MARCHF10: variants seen among roughly 807,000 people sequenced by gnomAD.
The protein encoded by MARCHF10 is membrane associated ring-CH-type finger 10.
Under a neutral mutation model 76.2 loss-of-function variants are expected in MARCHF10, and 64 were observed. That is an observed-to-expected ratio of 0.84 (90% CI 0.69 to 1.03). The LOEUF (loss-of-function observed/expected upper bound fraction) is 1.03, where lower values mean the gene tolerates loss of function less well. MARCHF10 is among the 50% of genes least tolerant of loss of function. The pLI, the probability that MARCHF10 is intolerant of heterozygous loss-of-function variation, is 0.00. For missense variants in MARCHF10, 875 were observed against 958.0 expected (o/e 0.91, Z 1.14); for synonymous variants, 340 against 357.5 (o/e 0.95, Z 0.55).
Position 62,738,206 on chromosome 17 carries a change from T to G in MARCHF10, c.536-874A>C, listed in dbSNP as rs1425627802. Among the ~76,000 whole-genome samples the G allele has an allele frequency of 6.6e-6, 1 of 152,102 alleles. No homozygotes were observed. Among genetic ancestry groups the G allele is most frequent in the Non-Finnish European group, 1.5e-5 (1 of 68,016 alleles). On this transcript the variant is annotated intron_variant, in intron 5 of 10. Transcript: ENST00000311269. The surrounding 1 kb of genome is among the most constrained non-coding windows in gnomAD (Gnocchi z 4.0). ...CACATAACTAGCCCAAGATCCTATT[T>G]CCAGTAAGTGATGGAATGAACATTT...
intron 1 of MARCHF10, chr17:62,806,590 G>A (rs2093168106): frequency 1.3e-5 from 2 of 152,248 alleles, no homozygotes; most frequent in African/African-American, 4.8e-5. Flanking sequence ...TTGGAGGCAG[G>A]TGGAGAAGGA....
At chr17:62,735,737 A>G in intron 6 of MARCHF10, 194 bp downstream of exon 6, 2 of 584,332 alleles carry the variant, frequency 3.4e-6, no homozygotes, top group Non-Finnish European at 5.8e-6. Context: ...GATCAGGAAC[A>G]CCAGACTTTT....
Position 62,737,333 on chromosome 17 carries a change from C to T in MARCHF10, c.536-1G>A, listed in dbSNP as rs532169572. The T allele has an allele frequency of 6.2e-7, 1 of 1,605,506 alleles. No individual in the cohort carries two copies. Among genetic ancestry groups the T allele is most frequent in the South Asian group, 1.1e-5 (1 of 88,824 alleles). ...AGGCCTTCTTGTTGAACTACTTGAT[C>T]TGCATTGAGAAAAGACACATTTATC... is the stretch of plus-strand genomic sequence containing the variant. On this transcript the variant is annotated splice_acceptor_variant, in intron 5 of 10. Transcript: ENST00000311269. LOFTEE classifies it high-confidence loss of function.
chr17:62,733,439 G>A (rs1460947574), intron 6 of MARCHF10, among the ~76,000 whole-genome samples: 1 of 152,130 alleles, frequency 6.6e-6, no homozygotes, highest in Non-Finnish European at 1.5e-5. Flanking sequence ...CATCAGACTG[G>A]CAAATTTGAA....
intron 1 of MARCHF10, among the ~76,000 whole-genome samples, chr17:62,807,385 G>A (rs929432411): frequency 6.6e-6 from 1 of 152,028 alleles, no homozygotes; most frequent in East Asian, 1.9e-4. Flanking sequence ...GGAGGGTGGG[G>A]AACAGACTTG....
At chr17:62,709,678 A>G (rs2089805437) in intron 9 of MARCHF10, among the ~76,000 whole-genome samples, 1 of 152,176 alleles carries the variant, frequency 6.6e-6, no homozygotes, top group Non-Finnish European at 1.5e-5. Context: ...TCTACGAGAA[A>G]TTACTGAGAT....
At position 62,776,415 on chromosome 17, in the gene MARCHF10, A is replaced by C. The variant is rs74653773; in HGVS notation, c.210+12065T>G. 6.6e-3 allele frequency among the ~76,000 whole-genome samples: 1,002 copies of C among 152,322 alleles called. 8 individuals are homozygous for C. The highest frequency in any genetic ancestry group is 0.023 in the African/African-American group (944 of 41,570). On this transcript the variant is annotated intron_variant, in intron 3 of 10. Coordinates refer to ENST00000311269, the MANE Select transcript of MARCHF10 (RefSeq NM_152598.4). ...GGCTGTCTTGCCTGTGCGTTGAAAA[A>C]GGCAGGACAACTTTCTGGAAGCATC... is the stretch of plus-strand genomic sequence containing the variant.
intron 8 of MARCHF10, among the ~76,000 whole-genome samples, chr17:62,717,976 T>G (rs2090301314): frequency 6.6e-6 from 1 of 152,168 alleles, no homozygotes. Context: ...GTTTTGTTAG[T>G]TCACTGATGG....
intron 1 of MARCHF10, among the ~76,000 whole-genome samples, chr17:62,805,908 TA>T (rs55879760): frequency 0.45 from 56,890 of 125,356 alleles, 10,959 homozygotes; most frequent in Middle Eastern, 0.53. Flanking sequence ...CCCTCAAAAA[TA>T]AAAAAAAATA....
chr17:62,729,571 A>C (rs1002442064), intron 6 of MARCHF10, among the ~76,000 whole-genome samples: 4 of 148,030 alleles, frequency 2.7e-5, no homozygotes, highest in African/African-American at 9.8e-5. Context: ...TAAATGTATA[A>C]ATATATAAAT....
chr17:62,801,515 G>A (rs2093072868), intron 2 of MARCHF10, 131 bp downstream of exon 2: 9 of 588,208 alleles, frequency 1.5e-5, no homozygotes, highest in Non-Finnish European at 2.7e-5. Context: ...GCTTTTGCTA[G>A]TTACATACCT....
chr17:62,800,029 T>C (rs1041463776), intron 2 of MARCHF10, among the ~76,000 whole-genome samples: 5 of 152,236 alleles, frequency 3.3e-5, no homozygotes, highest in African/African-American at 9.6e-5. Flanking sequence ...CCCCTTAACC[T>C]GTTTTATTTT....
At chr17:62,781,157 C>A (rs1242600435) in intron 3 of MARCHF10, among the ~76,000 whole-genome samples, 1 of 152,168 alleles carries the variant, frequency 6.6e-6, no homozygotes, top group Non-Finnish European at 1.5e-5. Flanking sequence ...GTACGTAACT[C>A]TGAAAAGGCT....
At chr17:62,762,071 A>G (rs2092219326) in intron 3 of MARCHF10, among the ~76,000 whole-genome samples, 1 of 152,186 alleles carries the variant, frequency 6.6e-6, no homozygotes, top group African/African-American at 2.4e-5. Context: ...GTGTCCGCTC[A>G]GCTCATCTTC....
chr17:62,778,477 T>A (rs933412040), intron 3 of MARCHF10, among the ~76,000 whole-genome samples: 6 of 151,894 alleles, frequency 4.0e-5, no homozygotes, highest in African/African-American at 1.5e-4. Flanking sequence ...TCCAGACAAA[T>A]CCAAGCACTT....
At chr17:62,786,462 C>T (rs1373940928) in intron 3 of MARCHF10, among the ~76,000 whole-genome samples, 1 of 152,112 alleles carries the variant, frequency 6.6e-6, no homozygotes, top group African/African-American at 2.4e-5. Flanking sequence ...AGCAAACCAA[C>T]GTGGCACAAG....
At chr17:62,777,412 T>C (rs1031099724) in intron 3 of MARCHF10, among the ~76,000 whole-genome samples, 5 of 152,174 alleles carry the variant, frequency 3.3e-5, no homozygotes, top group South Asian at 2.1e-4. Context: ...AATTTCTGCA[T>C]AATCTGCATG....
rs2089938389 is a variant in MARCHF10, at chr17:62,711,684, C to G, written c.2215-340G>C. Among the ~76,000 whole-genome samples, 1 of 152,196 alleles carries G rather than the reference C, an allele frequency of 6.6e-6. No individual in the cohort carries two copies. The highest frequency in any genetic ancestry group is 2.4e-5 in the African/African-American group (1 of 41,456). ...ACACAGGGCAAAAAGCCTCAGAACT[C>G]CCTGCTGGGAACCGATCACCTGGTG... On this transcript the variant is annotated intron_variant, in intron 8 of 10. Transcript: ENST00000311269. This position sits in a 1 kb window ranked among gnomAD's most constrained non-coding sequence, Gnocchi z 4.4.
At chr17:62,718,937 C>T (rs959509286) in intron 8 of MARCHF10, among the ~76,000 whole-genome samples, 1 of 152,148 alleles carries the variant, frequency 6.6e-6, no homozygotes, top group African/African-American at 2.4e-5. Context: ...TGGCATTATG[C>T]CCTTATTCAC....
Sources: gnomAD v4.1 joint callset for allele counts (sites outside exome capture counted in the v4.1 genomes callset) on GRCh38, gnomAD v4.1.1 for gene constraint, Gnocchi (gnomAD v3.1) non-coding constraint, MANE v1.5 for transcripts, NCBI Gene and HGNC (gene_info 2026-07-23, HGNC 2026-07-21) for gene names.